CD38: variants seen among roughly 807,000 people sequenced by gnomAD.
CD38 encodes CD38 molecule.
A neutral mutation model predicts 36.3 loss-of-function variants in CD38; 31 were observed. The observed-to-expected ratio is 0.85, with a 90% CI of 0.64 to 1.15. The LOEUF is 1.15. Ranked by LOEUF, CD38 falls within the 50% of genes most tolerant of loss-of-function variation. CD38 has a pLI of 0.00. For synonymous variants in CD38, 131 were observed against 135.2 expected, an observed-to-expected ratio of 0.97 and a Z score of 0.22; for missense variants, 380 against 371.9, an observed-to-expected ratio of 1.02 and a Z score of -0.18.
At chr4:15,820,435 C>T (rs1723707348) in intron 2 of CD38, among the ~76,000 whole-genome samples, 1 of 152,036 alleles carries the variant, frequency 6.6e-6, no homozygotes, top group Admixed American at 6.5e-5. Flanking sequence ...GTGCTGTATA[C>T]AAGAGACCCA....
chr4:15,818,626 C>A (rs1359785719), intron 2 of CD38, among the ~76,000 whole-genome samples: 2 of 152,146 alleles, frequency 1.3e-5, no homozygotes, highest in Non-Finnish European at 2.9e-5. Flanking sequence ...CAGGCCGGTG[C>A]CCCTCTGGAA....
intron 3 of CD38, among the ~76,000 whole-genome samples, chr4:15,832,310 A>G (rs1723975212): frequency 6.6e-6 from 1 of 152,008 alleles, no homozygotes; most frequent in Non-Finnish European, 1.5e-5. Flanking sequence ...GTATTCCTGG[A>G]TGGTCTTGAT....
chr4:15,841,035 T>A (rs1408545272), intron 7 of CD38, among the ~76,000 whole-genome samples: 1 of 152,066 alleles, frequency 6.6e-6, no homozygotes, highest in Non-Finnish European at 1.5e-5. Flanking sequence ...CTATATTTTT[T>A]AAATTAAAAA....
intron 3 of CD38, 81 bp from the exon 4 acceptor site, chr4:15,834,136 A>G (rs1468441613): frequency 1.1e-6 from 1 of 916,026 alleles, no homozygotes; most frequent in East Asian, 2.4e-5. Flanking sequence ...TGGTTCCACT[A>G]TGACTGAACA....
At chr4:15,848,149 A>G (rs539084235) in intron 7 of CD38, among the ~76,000 whole-genome samples, 10 of 152,186 alleles carry the variant, frequency 6.6e-5, no homozygotes, top group Non-Finnish European at 1.5e-4. Flanking sequence ...TTTTATGAAA[A>G]TAATAGTCAT....
intron 1 of CD38, among the ~76,000 whole-genome samples, chr4:15,790,324 C>G (rs1486937711): frequency 2.0e-5 from 3 of 152,124 alleles, no homozygotes; most frequent in African/African-American, 7.2e-5. Context: ...CTGCGCACGC[C>G]GCCACGCCTG....
intron 1 of CD38, among the ~76,000 whole-genome samples, chr4:15,799,616 ATTTG>A (rs1482412279): frequency 2.6e-5 from 4 of 152,110 alleles, no homozygotes; most frequent in African/African-American, 7.2e-5. Context: ...ATATATCACA[ATTTG>A]TTTATTTATC....
intron 1 of CD38, among the ~76,000 whole-genome samples, chr4:15,794,656 G>C (rs139009558): frequency 0.011 from 1,672 of 152,148 alleles, 20 homozygotes; most frequent in Non-Finnish European, 0.017. Flanking sequence ...GAAGAGAGAG[G>C]AATTAGAGAT....
intron 1 of CD38, among the ~76,000 whole-genome samples, chr4:15,806,909 A>G (rs1272934510): frequency 6.6e-6 from 1 of 152,172 alleles, no homozygotes; most frequent in Non-Finnish European, 1.5e-5. Context: ...TCTTGTTCAG[A>G]AGCTGATCAC....
At chr4:15,806,022 G>A (rs1052600484) in intron 1 of CD38, among the ~76,000 whole-genome samples, 1 of 152,170 alleles carries the variant, frequency 6.6e-6, no homozygotes, top group Admixed American at 6.5e-5. Flanking sequence ...CATTATGAAG[G>A]TGATATTGCT....
In CD38 at chr4:15,798,636, G is replaced by A. The variant is rs538256506; in HGVS notation, c.234-17875G>A. Among the ~76,000 whole-genome samples, 15 of 152,316 alleles carry A rather than the reference G, an allele frequency of 9.8e-5. No individual in the cohort carries two copies. The South Asian group carries it at 1.7e-3, about 17-fold the overall frequency. On this transcript the variant is annotated intron_variant, in intron 1 of 7. Transcript: ENST00000226279. ...TTCTGGAGAGTACGGAACCAACGGC[G>A]TCTGCCACGTTGCATATGGCCAAAT...
chr4:15,824,945 T>TCACCCTGGAGGAC lies in CD38; in HGVS notation c.429_441dup (p.Thr148HisfsTer12). On this transcript the variant is annotated frameshift_variant, in exon 3 of 8. Coordinates refer to ENST00000226279, the MANE Select transcript of CD38 (RefSeq NM_001775.4). LOFTEE classifies it high-confidence loss of function. ...TTCACACAGGTCCAGCGGGACATGT[T>TCACCCTGGAGGAC]CACCCTGGAGGACACGCTGCTAGGC... is the stretch of plus-strand genomic sequence containing the variant. 1 of 1,613,898 alleles carries TCACCCTGGAGGAC rather than the reference T, an allele frequency of 6.2e-7. No individual in the cohort carries two copies. Among genetic ancestry groups the TCACCCTGGAGGAC allele is most frequent in the Non-Finnish European group, 8.5e-7 (1 of 1,179,866 alleles).
chr4:15,816,763 G>C (rs774902344), intron 2 of CD38, 123 bp downstream of exon 2: 2 of 1,071,284 alleles, frequency 1.9e-6, no homozygotes, highest in Non-Finnish European at 2.9e-6. Flanking sequence ...GTGTGAGTGT[G>C]GTTGGTAGGA....
At chr4:15,830,529 C>T (rs1461202393) in intron 3 of CD38, among the ~76,000 whole-genome samples, 1 of 152,032 alleles carries the variant, frequency 6.6e-6, no homozygotes, top group African/African-American at 2.4e-5. Context: ...ATATTTTCTC[C>T]CATTCTGTGG....
At chr4:15,828,730 C>G (rs1199824025) in intron 3 of CD38, among the ~76,000 whole-genome samples, 6 of 152,118 alleles carry the variant, frequency 3.9e-5, no homozygotes, top group Non-Finnish European at 4.4e-5. Flanking sequence ...TTGATGGACT[C>G]AGGTTGATTC....
At chr4:15,812,732 C>T (rs1432017903) in intron 1 of CD38, among the ~76,000 whole-genome samples, 11 of 152,032 alleles carry the variant, frequency 7.2e-5, no homozygotes, top group Admixed American at 6.6e-4. Flanking sequence ...TATTAAGTCT[C>T]CTGATCCATG....
At chr4:15,841,916 C>T (rs375763026) in intron 7 of CD38, among the ~76,000 whole-genome samples, 5,115 of 127,838 alleles carry the variant, frequency 0.04, 171 homozygotes, top group East Asian at 0.14. Context: ...CCTACGCCCA[C>T]GGAATCTCGC....
intron 2 of CD38, among the ~76,000 whole-genome samples, chr4:15,821,883 A>G (rs527852999): frequency 5.3e-5 from 8 of 152,104 alleles, no homozygotes; most frequent in South Asian, 2.1e-4. Context: ...TTTAAAAAAA[A>G]AAAGAAAGAA....
intron 1 of CD38, among the ~76,000 whole-genome samples, chr4:15,810,645 G>A (rs981162393): frequency 6.6e-6 from 1 of 151,980 alleles, no homozygotes; most frequent in Non-Finnish European, 1.5e-5. Flanking sequence ...TATAATGTAC[G>A]GAGAAAACCA....
Sources: allele counts gnomAD v4.1 joint callset (sites outside exome capture counted in the v4.1 genomes callset), GRCh38; gene constraint gnomAD v4.1.1; transcripts MANE v1.5; gene names NCBI Gene and HGNC (gene_info 2026-07-23, HGNC 2026-07-21).